Variants in TXNRD1 observed in about 807,000 individuals in gnomAD.
TXNRD1 encodes the protein thioredoxin reductase 1.
In TXNRD1, 57 loss-of-function variants were observed where a neutral mutation model predicts 80.3. The observed-to-expected ratio is 0.71, with a 90% confidence interval of 0.57 to 0.89. TXNRD1 has a LOEUF of 0.89. Ranked by LOEUF, TXNRD1 falls within the 40% of genes least tolerant of loss-of-function variation. The probability of loss-of-function intolerance (pLI) is 0.00; values close to 1 mark genes in which losing one functional copy is unlikely to be tolerated. For missense variants in TXNRD1, 730 were observed against 803.0 expected (o/e 0.91, Z 1.10); for synonymous variants, 291 against 285.2 (o/e 1.02, Z -0.20).
At chr12:104,238,077 A>G (rs1362277424) in intron 1 of TXNRD1, among the ~76,000 whole-genome samples, 1 of 152,180 alleles carries the variant, frequency 6.6e-6, no homozygotes, top group Non-Finnish European at 1.5e-5. Flanking sequence ...AGTTCACATG[A>G]CTTTAAGAAA....
chr12:104,294,334 G>A (rs193046007), intron 4 of TXNRD1, among the ~76,000 whole-genome samples: 12 of 151,350 alleles, frequency 7.9e-5, no homozygotes, highest in South Asian at 2.1e-4. Context: ...GGTGACGGGC[G>A]TCTTCCCAGA....
intron 1 of TXNRD1, among the ~76,000 whole-genome samples, chr12:104,223,002 G>C (rs553792223): frequency 6.6e-6 from 1 of 151,952 alleles, no homozygotes. Flanking sequence ...AATGATCCTT[G>C]GGTGGGCTTG....
intron 1 of TXNRD1, among the ~76,000 whole-genome samples, chr12:104,242,062 T>TAC (rs1404314449): frequency 6.9e-6 from 1 of 145,716 alleles, no homozygotes; most frequent in Non-Finnish European, 1.5e-5. Flanking sequence ...CTCAGCCTCC[T>TAC]GAGTAGCTGG....
intron 6 of TXNRD1, among the ~76,000 whole-genome samples, chr12:104,314,738 C>CTTTT (rs11330431): frequency 2.2e-4 from 23 of 103,664 alleles, no homozygotes; most frequent in Admixed American, 3.1e-4. Context: ...AAATTTTTTT[C>CTTTT]TTTTTTTTTT....
At chr12:104,305,031 G>A (rs2034838309) in intron 4 of TXNRD1, 12 of 1,277,990 alleles carry the variant, frequency 9.4e-6, no homozygotes, top group Non-Finnish European at 1.3e-5. Context: ...CTCTTGTAAA[G>A]TGAAAAAGTA....
At position 104,249,647 on chromosome 12, in the gene TXNRD1, G is replaced by A. The variant is rs568623341; in HGVS notation, c.92-1880G>A. 5.9e-5 allele frequency among the ~76,000 whole-genome samples: 9 copies of A among 152,194 alleles called. No individual in the cohort carries two copies. In the East Asian group the frequency reaches 1.7e-3, roughly 29 times the overall value. ...ATAGTACCAAAAGTACGATGAAAGTGAAAGCTTGCCAGGCGCGGTGGTTCA... is the reference window on the plus strand; with the variant it reads ...ATAGTACCAAAAGTACGATGAAAGTAAAAGCTTGCCAGGCGCGGTGGTTCA... On this transcript the variant is annotated intron_variant, in intron 1 of 16. Coordinates refer to ENST00000525566, the MANE Select transcript of TXNRD1 (RefSeq NM_001093771.3).
intron 4 of TXNRD1, among the ~76,000 whole-genome samples, chr12:104,299,010 C>G (rs1224503466): frequency 6.6e-6 from 1 of 152,190 alleles, no homozygotes; most frequent in African/African-American, 2.4e-5. Flanking sequence ...ACTCAAGTCC[C>G]AAAGTCCACC....
intron 2 of TXNRD1, 44 bp downstream of exon 2, chr12:104,251,722 TTGAC>T: frequency 6.3e-7 from 1 of 1,595,238 alleles, no homozygotes; most frequent in Non-Finnish European, 8.6e-7. Flanking sequence ...TTGAAGGAAT[TTGAC>T]AGACTTTTGA....
chr12:104,317,365 CT>C (rs68031758), intron 7 of TXNRD1, among the ~76,000 whole-genome samples: 34,742 of 116,198 alleles, frequency 0.3, 4,928 homozygotes, highest in East Asian at 0.76. Flanking sequence ...TCTGCAGTTA[CT>C]TTTTTTTTTT....
chr12:104,226,516 T>G (rs1052262664), intron 1 of TXNRD1, among the ~76,000 whole-genome samples: 1 of 152,234 alleles, frequency 6.6e-6, no homozygotes, highest in Non-Finnish European at 1.5e-5. Context: ...TCCTGTTATA[T>G]TTCAGGCTAC....
At chr12:104,303,533 T>G (rs930923950) in intron 4 of TXNRD1, among the ~76,000 whole-genome samples, 7 of 152,348 alleles carry the variant, frequency 4.6e-5, no homozygotes, top group African/African-American at 9.6e-5. Flanking sequence ...GGTGATCCAG[T>G]CGGTAAACGC....
At chr12:104,326,662 C>T (rs1215745992) in intron 12 of TXNRD1, among the ~76,000 whole-genome samples, 3 of 151,828 alleles carry the variant, frequency 2.0e-5, no homozygotes, top group Non-Finnish European at 2.9e-5. Context: ...GATGGGGTTT[C>T]GCCATGTTGG....
intron 5 of TXNRD1, among the ~76,000 whole-genome samples, chr12:104,312,254 G>A (rs962873683): frequency 2.0e-5 from 3 of 152,210 alleles, no homozygotes; most frequent in African/African-American, 4.8e-5. Context: ...CTAACTCTGT[G>A]GTCTGAGGGT....
intron 16 of TXNRD1, chr12:104,346,257 C>T: frequency 5.3e-6 from 1 of 189,556 alleles, no homozygotes. Flanking sequence ...AAGCAATCCT[C>T]CCGCCTTGGC....
At chr12:104,261,137 A>G (rs1243016604) in intron 3 of TXNRD1, among the ~76,000 whole-genome samples, 1 of 151,324 alleles carries the variant, frequency 6.6e-6, no homozygotes, top group African/African-American at 2.4e-5. Context: ...GTGGTTCCCC[A>G]GTTATACTTC....
intron 1 of TXNRD1, among the ~76,000 whole-genome samples, chr12:104,241,285 C>T (rs566942486): frequency 1.3e-5 from 2 of 152,274 alleles, no homozygotes; most frequent in African/African-American, 2.4e-5. Flanking sequence ...GTGATCCGCC[C>T]GCCTCAGCAT....
At chr12:104,216,767 G>A (rs1192981060) in intron 1 of TXNRD1, among the ~76,000 whole-genome samples, 1 of 152,220 alleles carries the variant, frequency 6.6e-6, no homozygotes, top group South Asian at 2.1e-4. Context: ...TCATATGGCC[G>A]CCTCCACCTT....
chr12:104,286,978 C>G, intron 3 of TXNRD1: 1 of 1,260,196 alleles, frequency 7.9e-7, no homozygotes, highest in Non-Finnish European at 1.0e-6. Flanking sequence ...CGGCGCAGGG[C>G]GTGGCTTCTC....
intron 3 of TXNRD1, chr12:104,265,707 G>C: frequency 1.2e-6 from 2 of 1,602,322 alleles, no homozygotes; most frequent in Non-Finnish European, 8.5e-7. Context: ...AGGAGATCGC[G>C]GCCAGCAAGT....
Sources: gnomAD v4.1 joint callset for allele counts (sites outside exome capture counted in the v4.1 genomes callset) on GRCh38, gnomAD v4.1.1 for gene constraint, MANE v1.5 for transcripts, NCBI Gene and HGNC (gene_info 2026-07-23, HGNC 2026-07-21) for gene names.